MRTFB: variants seen among roughly 807,000 people sequenced by gnomAD.
MRTFB encodes myocardin-related transcription factor B.
A neutral mutation model predicts 104.2 loss-of-function variants in MRTFB; 29 were observed. The ratio of observed to expected loss-of-function variants is 0.28; its 90% CI spans 0.21 to 0.38. The LOEUF (loss-of-function observed/expected upper bound fraction) is 0.38, where lower values mean the gene tolerates loss of function less well. MRTFB is among the 10% of genes least tolerant of loss of function. The pLI, the probability that MRTFB is intolerant of heterozygous loss-of-function variation, is 1.00. For synonymous variants in MRTFB, 535 were observed against 519.5 expected (o/e 1.03, Z -0.41); for missense variants, 1,270 against 1,341.6 (o/e 0.95, Z 0.83).
Position 14,213,414 on chromosome 16 carries a change from C to T in MRTFB, c.277-131C>T, listed in dbSNP as rs2151182852. 8.9e-6 allele frequency: 5 copies of T among 561,618 alleles called. No homozygotes were observed. The East Asian group carries it at 9.1e-5, about 10-fold the overall frequency. 34.8% of individuals were successfully genotyped at this position (561,618 alleles called of 1,614,324 possible). A position where few individuals can be genotyped will look rare whatever the true frequency, so the allele number is the denominator to read the frequency against. ...TGTTGGATACTAGTTTTTCTAAGTGCTAATTTCTACTCTTCGTCTCAAACA... is the reference window on the plus strand; with the variant it reads ...TGTTGGATACTAGTTTTTCTAAGTGTTAATTTCTACTCTTCGTCTCAAACA... On this transcript the variant is annotated intron_variant, in intron 5 of 16. Transcript: ENST00000571589.
the MRTFB span, among the ~76,000 whole-genome samples, chr16:14,012,737 G>A: frequency 2.0e-5 from 3 of 152,110 alleles, no homozygotes; most frequent in South Asian, 6.2e-4. Context: ...TGCAGTAAAT[G>A]GTAGAACTGG....
intron 3 of MRTFB, among the ~76,000 whole-genome samples, chr16:14,148,048 C>G (rs992816307): frequency 1.3e-5 from 2 of 152,064 alleles, no homozygotes; most frequent in Admixed American, 1.3e-4. Flanking sequence ...TAGAGCCCAC[C>G]ATGTCATTTA....
chr16:14,249,189 T>G lies in MRTFB; in HGVS notation c.2403+108T>G, dbSNP rs16963590. Reference sequence around the variant, plus strand: ...GCCCTGGGAAGTTCCTGTTCATTCTTTTCTGTGATCCATCTCCCATAGAAT... The same window carrying G: ...GCCCTGGGAAGTTCCTGTTCATTCTGTTCTGTGATCCATCTCCCATAGAAT... On this transcript the variant is annotated intron_variant, in intron 13 of 16. Transcript: ENST00000571589. 7,082 of 1,299,484 alleles carry G rather than the reference T, an allele frequency of 5.4e-3. 237 individuals carry two copies. The African/African-American group carries it at 0.075, about 14-fold the overall frequency. The allele number at this position is 1,299,484 out of a possible 1,614,324, so 80.5% of individuals were successfully genotyped here.
intron 1 of MRTFB, among the ~76,000 whole-genome samples, chr16:14,073,117 T>C (rs1567289950): frequency 2.0e-5 from 3 of 152,238 alleles, no homozygotes; most frequent in Non-Finnish European, 4.4e-5. Context: ...CTTCCCTTGC[T>C]ACTTTCTCCT....
At chr16:14,189,720 G>GT (rs1453440645) in intron 3 of MRTFB, among the ~76,000 whole-genome samples, 1 of 152,098 alleles carries the variant, frequency 6.6e-6, no homozygotes, top group Non-Finnish European at 1.5e-5. Context: ...AATGAAGGAG[G>GT]GATAAATTTG....
intron 2 of MRTFB, among the ~76,000 whole-genome samples, chr16:14,100,263 G>A (rs1404997013): frequency 1.3e-5 from 2 of 152,164 alleles, no homozygotes; most frequent in Admixed American, 6.5e-5. Flanking sequence ...TTATCAGGTT[G>A]AGGATGTTCT....
intron 15 of MRTFB, among the ~76,000 whole-genome samples, chr16:14,256,444 A>G (rs1597391708): frequency 1.3e-5 from 2 of 152,334 alleles, no homozygotes; most frequent in South Asian, 4.1e-4. Flanking sequence ...CAGAATTGGC[A>G]GAGGTGATGG....
intron 9 of MRTFB, among the ~76,000 whole-genome samples, chr16:14,237,062 G>A (rs138803835): frequency 6.6e-6 from 1 of 152,218 alleles, no homozygotes; most frequent in Non-Finnish European, 1.5e-5. Context: ...TACACCTGGA[G>A]TGTGAGGTGC....
chr16:14,145,656 C>T (rs568200823), intron 3 of MRTFB, among the ~76,000 whole-genome samples: 1 of 152,184 alleles, frequency 6.6e-6, no homozygotes, highest in African/African-American at 2.4e-5. Context: ...CAAGTGAGGC[C>T]TTAATGAAGG....
chr16:14,055,272 AC>A, the MRTFB span, among the ~76,000 whole-genome samples: 1 of 152,258 alleles, frequency 6.6e-6, no homozygotes, highest in African/African-American at 2.4e-5. Context: ...AATCACTTGA[AC>A]CCGGGAAGCG....
chr16:14,251,266 A>G (rs1038553999), intron 13 of MRTFB, among the ~76,000 whole-genome samples: 15 of 151,010 alleles, frequency 9.9e-5, no homozygotes, highest in Non-Finnish European at 1.9e-4. Flanking sequence ...AGTCCCAGCT[A>G]CTTGGGAGGC....
intron 7 of MRTFB, among the ~76,000 whole-genome samples, chr16:14,217,554 G>T (rs1176052807): frequency 1.3e-5 from 2 of 152,070 alleles, no homozygotes; most frequent in Non-Finnish European, 2.9e-5. Context: ...ATCTCTTTAG[G>T]ACTGCATGGA....
chr16:14,093,243 A>ATT (rs59073217), intron 2 of MRTFB, among the ~76,000 whole-genome samples: 35 of 146,002 alleles, frequency 2.4e-4, no homozygotes, highest in African/African-American at 6.9e-4. Context: ...TGAGAGATGG[A>ATT]TTTTTTTTTT....
chr16:14,049,634 T>C, the MRTFB span, among the ~76,000 whole-genome samples: 2 of 152,272 alleles, frequency 1.3e-5, no homozygotes, highest in Admixed American at 1.3e-4. Flanking sequence ...ATGGATTGTA[T>C]ATTGGGTAAT....
At chr16:14,025,090 T>G in the MRTFB span, among the ~76,000 whole-genome samples, 1 of 152,238 alleles carries the variant, frequency 6.6e-6, no homozygotes, top group African/African-American at 2.4e-5. Context: ...CTGAGGGTTG[T>G]TTAAAGTTCA....
chr16:14,139,973 G>C (rs2037912645), intron 2 of MRTFB, among the ~76,000 whole-genome samples: 1 of 152,186 alleles, frequency 6.6e-6, no homozygotes, highest in South Asian at 2.1e-4. Context: ...CAGTCAGAAT[G>C]AGCCAGGTTT....
chr16:14,123,912 T>G (rs2036976299), intron 2 of MRTFB, among the ~76,000 whole-genome samples: 1 of 152,188 alleles, frequency 6.6e-6, no homozygotes, highest in African/African-American at 2.4e-5. Context: ...ATGGAATGTT[T>G]TTCCATTTGT....
chr16:14,016,822 G>C, the MRTFB span, among the ~76,000 whole-genome samples: 1 of 134,974 alleles, frequency 7.4e-6, no homozygotes, highest in East Asian at 2.2e-4. Flanking sequence ...TTCCCAGGCC[G>C]TATGGTGGTT....
intron 3 of MRTFB, among the ~76,000 whole-genome samples, chr16:14,167,504 T>A (rs1226842045): frequency 1.3e-5 from 2 of 152,208 alleles, no homozygotes; most frequent in East Asian, 3.8e-4. Flanking sequence ...GCTCTTTAGT[T>A]TAATTAGATC....
Sources: gnomAD v4.1 joint callset for allele counts (sites outside exome capture counted in the v4.1 genomes callset) on GRCh38, gnomAD v4.1.1 for gene constraint, MANE v1.5 for transcripts, NCBI Gene and HGNC (gene_info 2026-07-23, HGNC 2026-07-21) for gene names.